Variants in FILIP1L observed in about 807,000 individuals in gnomAD.
FILIP1L encodes the protein filamin A interacting protein 1 like.
FILIP1L carries 55 observed loss-of-function variants against 96.6 expected under a neutral mutation model. The ratio of observed to expected loss-of-function variants is 0.57; its 90% CI spans 0.46 to 0.71. The LOEUF (loss-of-function observed/expected upper bound fraction) is 0.71, where lower values mean the gene tolerates loss of function less well. Ranked by LOEUF, FILIP1L falls within the 30% of genes least tolerant of loss-of-function variation. FILIP1L has a pLI of 0.00. For synonymous variants in FILIP1L, 467 were observed against 473.9 expected (o/e 0.99, Z 0.19); for missense variants, 1,304 against 1,321.2 (o/e 0.99, Z 0.20).
In FILIP1L at chr3:99,864,403, T is replaced by G. The variant is rs116086630; in HGVS notation, c.606-13333A>C. On this transcript the variant is annotated intron_variant, in intron 4 of 5. Transcript: ENST00000477258. ...TTATAGCAACTGTATGAGCTAAGTA[T>G]TATTATTCTCATTTTGCAGATGGAG... Among the ~76,000 whole-genome samples, 575 of 152,276 alleles carry G rather than the reference T, an allele frequency of 3.8e-3. 3 individuals are homozygous for G. Among genetic ancestry groups the G allele is most frequent in the African/African-American group, 0.013 (547 of 41,556 alleles).
chr3:100,063,555 A>G (rs2065610746), intron 1 of FILIP1L, among the ~76,000 whole-genome samples: 1 of 152,214 alleles, frequency 6.6e-6, no homozygotes, highest in Non-Finnish European at 1.5e-5. Flanking sequence ...CCCACCCTGC[A>G]TAATTAGCAA....
intron 1 of FILIP1L, among the ~76,000 whole-genome samples, chr3:100,045,881 C>T (rs1325626690): frequency 6.6e-6 from 1 of 151,996 alleles, no homozygotes; most frequent in South Asian, 2.1e-4. Context: ...ACCCTCCCTG[C>T]AGCTGGTGTC....
intron 1 of FILIP1L, among the ~76,000 whole-genome samples, chr3:100,004,413 A>G (rs916147752): frequency 6.6e-6 from 1 of 152,204 alleles, no homozygotes; most frequent in Admixed American, 6.5e-5. Flanking sequence ...TGTTCATAAG[A>G]GAACTGTGTT....
chr3:100,093,029 G>A (rs186501323), intron 1 of FILIP1L, among the ~76,000 whole-genome samples: 33 of 152,086 alleles, frequency 2.2e-4, no homozygotes, highest in African/African-American at 6.5e-4. Context: ...TCATAAATAC[G>A]TTGAAGGAGT....
At chr3:100,060,337 C>G (rs1253063604) in intron 1 of FILIP1L, among the ~76,000 whole-genome samples, 18 of 152,178 alleles carry the variant, frequency 1.2e-4, no homozygotes. Flanking sequence ...ACTCCACCTC[C>G]TCTTCCATCC....
At chr3:99,857,373 T>G (rs1317131913) in intron 4 of FILIP1L, among the ~76,000 whole-genome samples, 3 of 152,220 alleles carry the variant, frequency 2.0e-5, no homozygotes, top group Admixed American at 6.5e-5. Flanking sequence ...ATTAGAACTG[T>G]ATGTGCTTGC....
At chr3:100,084,034 A>T (rs2065970006) in intron 1 of FILIP1L, among the ~76,000 whole-genome samples, 1 of 152,154 alleles carries the variant, frequency 6.6e-6, no homozygotes, top group African/African-American at 2.4e-5. Flanking sequence ...TCCTTTCATA[A>T]AATAATAATA....
intron 4 of FILIP1L, among the ~76,000 whole-genome samples, chr3:99,880,882 A>G (rs891190564): frequency 2.6e-5 from 4 of 152,252 alleles, no homozygotes; most frequent in Admixed American, 6.5e-5. Flanking sequence ...CTGTATGTGT[A>G]TGTATATGTG....
chr3:100,037,958 G>A (rs6440987), intron 1 of FILIP1L, among the ~76,000 whole-genome samples: 7 of 10,050 alleles, frequency 7.0e-4, no homozygotes, highest in Admixed American at 2.2e-3. Context: ...TTTTTTTTTG[G>A]GGGGGGAGGG....
chr3:99,919,156 G>T (rs1481628429), intron 4 of FILIP1L, among the ~76,000 whole-genome samples: 1 of 151,922 alleles, frequency 6.6e-6, no homozygotes, highest in Non-Finnish European at 1.5e-5. Flanking sequence ...AATCTTAATG[G>T]CACGATATTG....
intron 1 of FILIP1L, among the ~76,000 whole-genome samples, chr3:99,975,382 A>G (rs541784898): frequency 1.9e-3 from 291 of 152,296 alleles, no homozygotes; most frequent in African/African-American, 5.0e-3. Flanking sequence ...AGTGAATTCA[A>G]GGAGTTCAAG....
chr3:100,058,357 G>A (rs1296953841), intron 1 of FILIP1L, among the ~76,000 whole-genome samples: 4 of 152,192 alleles, frequency 2.6e-5, no homozygotes, highest in African/African-American at 9.7e-5. Context: ...TTATAAACGG[G>A]TATGATTTTC....
At chr3:99,887,162 G>A (rs1166832354) in intron 4 of FILIP1L, among the ~76,000 whole-genome samples, 9 of 151,750 alleles carry the variant, frequency 5.9e-5, no homozygotes, top group East Asian at 1.9e-4. Flanking sequence ...CCAGCTACTC[G>A]AGAGGCTAAC....
At chr3:99,921,595 T>C (rs183498283) in intron 4 of FILIP1L, among the ~76,000 whole-genome samples, 23 of 152,334 alleles carry the variant, frequency 1.5e-4, no homozygotes, top group Admixed American at 2.6e-4. Flanking sequence ...TAGAAATAGA[T>C]GAATATTCTC....
At chr3:100,003,177 T>G (rs1335110239) in intron 1 of FILIP1L, among the ~76,000 whole-genome samples, 1 of 152,182 alleles carries the variant, frequency 6.6e-6, no homozygotes, top group African/African-American at 2.4e-5. Flanking sequence ...TTAGAAGCAC[T>G]TTTGTTGTAA....
At chr3:100,022,422 C>T (rs2064842989) in intron 1 of FILIP1L, among the ~76,000 whole-genome samples, 1 of 152,200 alleles carries the variant, frequency 6.6e-6, no homozygotes, top group Admixed American at 6.5e-5. Flanking sequence ...CTACAGTATT[C>T]ATTCCATTTC....
chr3:100,032,708 T>A (rs921303557), intron 1 of FILIP1L, among the ~76,000 whole-genome samples: 1 of 152,158 alleles, frequency 6.6e-6, no homozygotes, highest in Non-Finnish European at 1.5e-5. Flanking sequence ...TATGAATAAT[T>A]TATGGGCAGT....
At chr3:99,861,848 G>C (rs1386857576) in intron 4 of FILIP1L, among the ~76,000 whole-genome samples, 1 of 152,174 alleles carries the variant, frequency 6.6e-6, no homozygotes, top group Non-Finnish European at 1.5e-5. Context: ...CTGAATCCCG[G>C]CTTTCCAACT....
At position 100,047,209 on chromosome 3, in the gene FILIP1L, A is replaced by C. The variant is rs549103592; in HGVS notation, c.-11+66844T>G. On this transcript the variant is annotated intron_variant, in intron 1 of 5. Transcript: ENST00000477258. ...ATGCTTTTAAGGAAGTGAAACTAGT[A>C]AAAACTATCGGAGGGAAGTGTTGTT... 3.3e-5 allele frequency among the ~76,000 whole-genome samples: 5 copies of C among 152,208 alleles called. No homozygotes were observed. The South Asian group carries it at 1.0e-3, about 32-fold the overall frequency.
Sources: gnomAD v4.1 joint callset for allele counts (sites outside exome capture counted in the v4.1 genomes callset) on GRCh38, gnomAD v4.1.1 for gene constraint, MANE v1.5 for transcripts, NCBI Gene and HGNC (gene_info 2026-07-23, HGNC 2026-07-21) for gene names.